Variants in CWC22 observed in about 807,000 individuals in gnomAD.
CWC22 encodes pre-mRNA-splicing factor CWC22 homolog.
CWC22 carries 53 observed loss-of-function variants against 117.2 expected under a neutral mutation model. That is an observed-to-expected ratio of 0.45 (90% CI 0.36 to 0.57). The LOEUF (loss-of-function observed/expected upper bound fraction) is 0.57. Among genes scored for constraint, CWC22 ranks in the 20% least tolerant of loss-of-function variants. The probability of loss-of-function intolerance (pLI) is 0.00; values close to 1 mark genes in which losing one functional copy is unlikely to be tolerated. For synonymous variants in CWC22, 360 were observed against 355.6 expected (o/e 1.01, Z -0.14); for missense variants, 980 against 1,068.8 (o/e 0.92, Z 1.16).
intron 6 of CWC22, among the ~76,000 whole-genome samples, chr2:179,977,367 A>G (rs1465364194): frequency 6.6e-6 from 1 of 152,216 alleles, no homozygotes. Context: ...AAATGTATAC[A>G]TGTATAATGG....
At chr2:179,989,227 T>A (rs1040743070) in intron 2 of CWC22, among the ~76,000 whole-genome samples, 29 of 137,456 alleles carry the variant, frequency 2.1e-4, no homozygotes, top group African/African-American at 7.5e-4. Flanking sequence ...ATATTTTACT[T>A]CTATGTAATA....
intron 5 of CWC22, among the ~76,000 whole-genome samples, chr2:179,980,817 T>G (rs772325764): frequency 7.9e-5 from 12 of 152,226 alleles, no homozygotes; most frequent in Non-Finnish European, 1.0e-4. Flanking sequence ...TTTTCTTAAA[T>G]TATAACTATT....
At chr2:180,000,100 T>G (rs1413231436) in intron 1 of CWC22, among the ~76,000 whole-genome samples, 1 of 152,230 alleles carries the variant, frequency 6.6e-6, no homozygotes, top group Non-Finnish European at 1.5e-5. Flanking sequence ...GAAAACTTAC[T>G]TGTTTTAGAA....
At chr2:179,985,408 C>T (rs1204053249) in intron 4 of CWC22, among the ~76,000 whole-genome samples, 3 of 151,996 alleles carry the variant, frequency 2.0e-5, no homozygotes, top group Admixed American at 2.0e-4. Flanking sequence ...AAGTATCTGC[C>T]CCACTATTTT....
At chr2:179,961,491 T>G in intron 13 of CWC22, among the ~76,000 whole-genome samples, 1 of 152,108 alleles carries the variant, frequency 6.6e-6, no homozygotes, top group East Asian at 1.9e-4. Context: ...TTAAACAGTA[T>G]CTAACATTAA....
chr2:179,963,095 T>C (rs917126671), intron 13 of CWC22, among the ~76,000 whole-genome samples: 47 of 152,060 alleles, frequency 3.1e-4, no homozygotes, highest in Non-Finnish European at 6.5e-4. Context: ...TCAAGTCCTT[T>C]GTGTGATTCA....
At chr2:179,968,671 G>C (rs981271814) in intron 11 of CWC22, among the ~76,000 whole-genome samples, 1 of 151,660 alleles carries the variant, frequency 6.6e-6, no homozygotes, top group African/African-American at 2.4e-5. Context: ...CAGTTCAAGC[G>C]ATTCTCCTGC....
Position 179,945,346 on chromosome 2 carries a change from G to A in CWC22, c.2510C>T (p.Thr837Ile), listed in dbSNP as rs1243926467. 3.1e-6 allele frequency: 5 copies of A among 1,612,762 alleles called. No homozygotes were observed. The highest frequency in any genetic ancestry group is 1.7e-4 in the Middle Eastern group (1 of 6,058). ...RNSFSENEKH[T>I]HRIKDSENFR... Reference sequence around the variant, plus strand: ...ATTTTCACTGTCTTTAATTCGGTGTGTATGCTTCTCATTTTCAGAAAAAGA... The same window carrying A: ...ATTTTCACTGTCTTTAATTCGGTGTATATGCTTCTCATTTTCAGAAAAAGA... Residue 837 changes from threonine to isoleucine, a missense_variant, in exon 20 of 20, where the codon ACA becomes ATA. Coordinates refer to ENST00000410053, the MANE Select transcript of CWC22 (RefSeq NM_020943.3).
intron 4 of CWC22, 63 bp downstream of exon 4, chr2:179,986,632 T>G (rs1290906360): frequency 1.1e-6 from 1 of 916,812 alleles, no homozygotes; most frequent in Non-Finnish European, 1.7e-6. Context: ...TTATTACAAA[T>G]GTAGCATAAA....
chr2:179,945,490 T>C lies in CWC22; in HGVS notation c.2366A>G (p.Asp789Gly), dbSNP rs776225060. Reference sequence around the variant, plus strand: ...GTAGTTATTTCGTTCAGAAGGAACATCTTTGTCTGATGTGTACTTTGTTAT... The same window carrying C: ...GTAGTTATTTCGTTCAGAAGGAACACCTTTGTCTGATGTGTACTTTGTTAT... ...DPITKYTSDKDVPSERNNYSR... is the reference protein window; with the variant it reads ...DPITKYTSDKGVPSERNNYSR... The change falls in exon 20 of 20, where the codon GAT (aspartate) becomes GGT (glycine). Residue 789 changes from aspartate (D) to glycine (G), a missense_variant. Coordinates refer to ENST00000410053, the MANE Select transcript of CWC22 (RefSeq NM_020943.3). 36 of 1,612,932 alleles carry C rather than the reference T, an allele frequency of 2.2e-5. No homozygotes were observed. The highest frequency in any genetic ancestry group is 2.5e-5 in the Non-Finnish European group (30 of 1,179,288).
intron 6 of CWC22, among the ~76,000 whole-genome samples, chr2:179,976,649 G>A (rs1687158768): frequency 6.6e-6 from 1 of 151,976 alleles, no homozygotes; most frequent in African/African-American, 2.4e-5. Flanking sequence ...ATATATATAT[G>A]AAATGCTAAA....
intron 1 of CWC22, among the ~76,000 whole-genome samples, chr2:179,998,680 C>T (rs1687770594): frequency 6.6e-6 from 1 of 152,134 alleles, no homozygotes; most frequent in South Asian, 2.1e-4. Context: ...ATAGCAAAGA[C>T]TGTGATTTAA....
intron 2 of CWC22, among the ~76,000 whole-genome samples, chr2:179,989,341 T>G (rs1687502943): frequency 6.6e-6 from 1 of 152,016 alleles, no homozygotes; most frequent in Non-Finnish European, 1.5e-5. Flanking sequence ...CACTGCAGAC[T>G]CAACCACCCA....
At position 180,007,043 on chromosome 2, in the gene CWC22, G is replaced by C. The variant is rs1256576840; in HGVS notation, c.-290C>G. ...ACCCCCACTCCGCGTCTCTGCCTGC[G>C]GGGACTCCACGGAGTTCGATAATTA... On this transcript the variant is annotated 5_prime_UTR_variant, in exon 1 of 20. Coordinates refer to ENST00000410053, the MANE Select transcript of CWC22 (RefSeq NM_020943.3). The C allele has an allele frequency of 2.0e-5, 3 of 152,208 alleles. No individual in the cohort carries two copies. The highest frequency in any genetic ancestry group is 4.8e-5 in the African/African-American group (2 of 41,430). 9.4% of individuals were successfully genotyped at this position (152,208 alleles called of 1,614,324 possible).
intron 2 of CWC22, among the ~76,000 whole-genome samples, chr2:179,990,546 C>CAG (rs3082436): frequency 0.012 from 1,671 of 144,916 alleles, 13 homozygotes; most frequent in Non-Finnish European, 0.017. Flanking sequence ...GTGAGACAGA[C>CAG]AGAGAGAGAG....
chr2:179,998,825 C>T (rs2105562547), intron 1 of CWC22, among the ~76,000 whole-genome samples: 1 of 152,124 alleles, frequency 6.6e-6, no homozygotes, highest in Non-Finnish European at 1.5e-5. Context: ...ATCACTTGAC[C>T]CCATTGCACA....
At chr2:179,965,799 G>C in intron 12 of CWC22, 79 bp downstream of exon 12, 1 of 1,179,532 alleles carries the variant, frequency 8.5e-7, no homozygotes, top group East Asian at 2.6e-5. Flanking sequence ...CAAAGATTGA[G>C]AACTATTGTT....
In CWC22 at chr2:179,978,262, A is replaced by G. The variant is rs1687200867; in HGVS notation, c.509T>C (p.Ile170Thr). Residue 170 changes from isoleucine (I) to threonine (T), a missense_variant, in exon 6 of 20, where the codon ATC becomes ACC. Physicochemically the swap from Ile to Thr is moderately conservative, Grantham distance 89 (BLOSUM62 -1). Transcript: ENST00000410053. ...TATGTTGGAAATGTTGACTTTGTTG[A>G]TAAGGCCATTAATTGACTTCTTCAG... ...EALKKSINGL[I>T]NKVNISNISI... 1 of 1,571,684 alleles carries G rather than the reference A, an allele frequency of 6.4e-7. No individual in the cohort carries two copies. Among genetic ancestry groups the G allele is most frequent in the Non-Finnish European group, 8.6e-7 (1 of 1,160,274 alleles).
At chr2:179,957,293 G>T (rs4894139) in intron 14 of CWC22, among the ~76,000 whole-genome samples, 1 of 151,948 alleles carries the variant, frequency 6.6e-6, no homozygotes, top group Non-Finnish European at 1.5e-5. Flanking sequence ...GGGAAAAAAA[G>T]GAATCTTTTA....
Sources: allele counts gnomAD v4.1 joint callset (sites outside exome capture counted in the v4.1 genomes callset), GRCh38; gene constraint gnomAD v4.1.1; transcripts MANE v1.5; gene names NCBI Gene and HGNC (gene_info 2026-07-23, HGNC 2026-07-21).